Variants in MAP4K3 observed in about 807,000 individuals in gnomAD.
The protein encoded by MAP4K3 is MAPK/ERK kinase kinase kinase 3.
MAP4K3 carries 94 observed loss-of-function variants against 143.5 expected under a neutral mutation model. That is an observed-to-expected ratio of 0.65 (90% confidence interval 0.55 to 0.78). MAP4K3 has a LOEUF of 0.78. MAP4K3 is among the 30% of genes least tolerant of loss of function. The pLI is 0.00. For missense variants in MAP4K3, 1,077 were observed against 1,068.1 expected, an observed-to-expected ratio of 1.01 and a Z score of -0.12; for synonymous variants, 416 against 347.2, an observed-to-expected ratio of 1.20 and a Z score of -2.20.
chr2:39,359,868 G>C (rs1384273844), intron 2 of MAP4K3, among the ~76,000 whole-genome samples: 4 of 152,224 alleles, frequency 2.6e-5, no homozygotes, highest in East Asian at 1.9e-4. Flanking sequence ...ACAGCAGGGG[G>C]AGCCCTGGGC....
intron 4 of MAP4K3, among the ~76,000 whole-genome samples, chr2:39,337,898 C>T (rs111516416): frequency 6.6e-6 from 1 of 150,748 alleles, no homozygotes; most frequent in Non-Finnish European, 1.5e-5. Flanking sequence ...TGGCTGGGGG[C>T]ATAGGTGCAT....
chr2:39,259,371 A>C (rs1477894717), intron 29 of MAP4K3, among the ~76,000 whole-genome samples: 1 of 152,168 alleles, frequency 6.6e-6, no homozygotes, highest in Non-Finnish European at 1.5e-5. Context: ...ATTCTGATGA[A>C]TGCTCAAGTC....
At chr2:39,326,649 A>C (rs1302415580) in intron 8 of MAP4K3, among the ~76,000 whole-genome samples, 1 of 152,170 alleles carries the variant, frequency 6.6e-6, no homozygotes, top group Non-Finnish European at 1.5e-5. Context: ...GGGGGTGGGC[A>C]GGGGCAGAAT....
chr2:39,416,535 G>T (rs1465567544), intron 1 of MAP4K3, among the ~76,000 whole-genome samples: 1 of 152,170 alleles, frequency 6.6e-6, no homozygotes, highest in Non-Finnish European at 1.5e-5. Context: ...TTTTATTCCA[G>T]AAGATTTTTA....
chr2:39,405,444 A>G (rs1199313463), intron 1 of MAP4K3, among the ~76,000 whole-genome samples: 1 of 152,196 alleles, frequency 6.6e-6, no homozygotes, highest in Non-Finnish European at 1.5e-5. Context: ...CCTTCCCAAG[A>G]AAGACAAATA....
intron 1 of MAP4K3, among the ~76,000 whole-genome samples, chr2:39,414,998 A>C (rs1302987280): frequency 6.6e-6 from 1 of 152,210 alleles, no homozygotes; most frequent in African/African-American, 2.4e-5. Flanking sequence ...GAGAATCTTA[A>C]ATATTATCAC....
chr2:39,391,814 T>C (rs1666668925), intron 1 of MAP4K3, among the ~76,000 whole-genome samples: 2 of 152,102 alleles, frequency 1.3e-5, no homozygotes, highest in South Asian at 2.1e-4. Context: ...CAACCTGGCA[T>C]TTCTGCACAT....
At chr2:39,301,062 A>G (rs548251149) in intron 15 of MAP4K3, among the ~76,000 whole-genome samples, 62 of 152,060 alleles carry the variant, frequency 4.1e-4, no homozygotes, top group African/African-American at 1.4e-3. Context: ...GCCTCAAAAT[A>G]TAAGGATTTT....
intron 1 of MAP4K3, among the ~76,000 whole-genome samples, chr2:39,394,739 G>T (rs1395353948): frequency 5.3e-5 from 8 of 152,060 alleles, no homozygotes; most frequent in Non-Finnish European, 1.5e-5. Context: ...GCAACTTCAG[G>T]GAATAAGATA....
intron 1 of MAP4K3, among the ~76,000 whole-genome samples, chr2:39,411,458 T>C (rs981469603): frequency 6.6e-6 from 1 of 152,220 alleles, no homozygotes; most frequent in Non-Finnish European, 1.5e-5. Flanking sequence ...AGTTATTAAA[T>C]ACTTACTGAG....
chr2:39,301,506 C>G (rs988052287), intron 15 of MAP4K3, among the ~76,000 whole-genome samples: 1 of 152,100 alleles, frequency 6.6e-6, no homozygotes, highest in African/African-American at 2.4e-5. Flanking sequence ...ACTGGGCCCT[C>G]TATCAGACCA....
At chr2:39,300,575 T>C (rs1264497208) in intron 15 of MAP4K3, among the ~76,000 whole-genome samples, 1 of 152,224 alleles carries the variant, frequency 6.6e-6, no homozygotes, top group African/African-American at 2.4e-5. Context: ...AGAGCCACTG[T>C]AATCTAGGCA....
chr2:39,279,615 C>T (rs17023552), intron 23 of MAP4K3, among the ~76,000 whole-genome samples: 6,499 of 152,038 alleles, frequency 0.043, 222 homozygotes, highest in African/African-American at 0.085. Context: ...CACTAAACCC[C>T]GGATCCTTGG....
chr2:39,316,525 A>G (rs3770662), intron 12 of MAP4K3, among the ~76,000 whole-genome samples: 61,503 of 151,778 alleles, frequency 0.41, 14,200 homozygotes, highest in East Asian at 0.76. Flanking sequence ...TGAAAACGGT[A>G]TTTTTTCATA....
At chr2:39,276,545 T>C (rs1402448356) in intron 24 of MAP4K3, among the ~76,000 whole-genome samples, 1 of 152,218 alleles carries the variant, frequency 6.6e-6, no homozygotes, top group Non-Finnish European at 1.5e-5. Flanking sequence ...AGCCACTGAA[T>C]AGCTATGGAG....
chr2:39,400,513 TC>T (rs1666923830), intron 1 of MAP4K3, among the ~76,000 whole-genome samples: 1 of 152,118 alleles, frequency 6.6e-6, no homozygotes, highest in Non-Finnish European at 1.5e-5. Flanking sequence ...GTTTTATTGT[TC>T]CCCCCTCTCT....
At chr2:39,353,339 G>C (rs1045046954) in intron 3 of MAP4K3, among the ~76,000 whole-genome samples, 1 of 152,158 alleles carries the variant, frequency 6.6e-6, no homozygotes, top group Admixed American at 6.5e-5. Flanking sequence ...CAGAAGAAAA[G>C]AGCAAGAGAG....
intron 1 of MAP4K3, among the ~76,000 whole-genome samples, chr2:39,398,434 C>A (rs551627871): frequency 1.3e-5 from 2 of 151,716 alleles, no homozygotes; most frequent in African/African-American, 4.8e-5. Context: ...AAGGAATAAA[C>A]AGAAATTAAC....
intron 1 of MAP4K3, among the ~76,000 whole-genome samples, chr2:39,392,183 C>CAAAAAAAAAAAAAAAAAAA (rs3086434): frequency 5.8e-5 from 4 of 69,034 alleles, no homozygotes; most frequent in Non-Finnish European, 1.0e-4. Flanking sequence ...CACTCCTACT[C>CAAAAAAAAAAAAAAAAAAA]AAAAAAAAAA....
Sources: allele counts gnomAD v4.1 joint callset (sites outside exome capture counted in the v4.1 genomes callset), GRCh38; gene constraint gnomAD v4.1.1; transcripts MANE v1.5; gene names NCBI Gene and HGNC (gene_info 2026-07-23, HGNC 2026-07-21).